ANKHD1: variants seen among roughly 807,000 people sequenced by gnomAD.
ANKHD1 encodes the protein ankyrin repeat and KH domain containing 1, also known as ankyrin repeat and KH domain-containing protein 1.
ANKHD1 carries 31 observed loss-of-function variants against 230.5 expected under a neutral mutation model. The observed-to-expected ratio is 0.13, with a 90% confidence interval of 0.10 to 0.18. The LOEUF is 0.18. Ranked by LOEUF, ANKHD1 falls within the 10% of genes least tolerant of loss-of-function variation. The pLI, the probability that ANKHD1 is intolerant of heterozygous loss-of-function variation, is 1.00. For synonymous variants in ANKHD1, 1,074 were observed against 1,117.6 expected, an observed-to-expected ratio of 0.96 and a Z score of 0.78; for missense variants, 2,256 against 3,071.3, an observed-to-expected ratio of 0.73 and a Z score of 6.27.
At position 140,537,509 on chromosome 5, in the gene ANKHD1, C is replaced by G; in HGVS notation, c.7148C>G (p.Ala2383Gly). Residue 2383 changes from alanine (A) to glycine (G), a missense_variant, in exon 31 of 34, where the codon GCA (alanine) becomes GGA (glycine). This residue lies in a region of ANKHD1 where 778 missense variants were observed against 966.5 expected (regional missense o/e 0.80). Coordinates refer to ENST00000360839, the MANE Select transcript of ANKHD1 (RefSeq NM_017747.3). ...CGAATTCGGCAAGGAGGGTCTGTTG[C>G]ACAAGCCCCGGCGGGGACCAGTTTT... ...LARIRQGGSV[A>G]QAPAGTSFVA... 1 of 1,613,940 alleles carries G rather than the reference C, an allele frequency of 6.2e-7. No homozygotes were observed. The highest frequency in any genetic ancestry group is 1.1e-5 in the South Asian group (1 of 91,052).
In ANKHD1 at chr5:140,539,529, G is replaced by A; in HGVS notation, c.*111G>A. 3.2e-6 allele frequency: 4 copies of A among 1,237,312 alleles called. No individual in the cohort carries two copies. In the South Asian group the frequency reaches 4.4e-5, roughly 14 times the overall value. The allele number at this position is 1,237,312 out of a possible 1,614,324, so 76.6% of individuals were successfully genotyped here. On this transcript the variant is annotated 3_prime_UTR_variant, in exon 34 of 34. Transcript: ENST00000360839. ...AAATTTTCTCTGAGGCTTTAGCAAT[G>A]GAAATTTGATTGCCCATTGTATAAG...
At position 140,445,758 on chromosome 5, in the gene ANKHD1, T is replaced by G. The variant is rs1299368863; in HGVS notation, c.930T>G (p.Thr310=). ...SQSATGNTAL[T]YACAGGFVDI... Reference sequence around the variant, plus strand: ...TCTTTTTAGGAAACACTGCGCTAACTTATGCATGTGCTGGAGGATTTGTTG... The same window carrying G: ...TCTTTTTAGGAAACACTGCGCTAACGTATGCATGTGCTGGAGGATTTGTTG... Residue 310 remains threonine, a synonymous_variant, in exon 6 of 34, where the codon ACT becomes ACG. Coordinates refer to ENST00000360839, the MANE Select transcript of ANKHD1 (RefSeq NM_017747.3). 1 of 1,604,480 alleles carries G rather than the reference T, an allele frequency of 6.2e-7. No individual in the cohort carries two copies. Among genetic ancestry groups the G allele is most frequent in the South Asian group, 1.1e-5 (1 of 88,998 alleles).
chr5:140,419,815 TTTCTTTCTTTCTTTCTTTC>T (rs1253644696), intron 1 of ANKHD1, among the ~76,000 whole-genome samples: 5 of 144,710 alleles, frequency 3.5e-5, no homozygotes, highest in African/African-American at 5.2e-5. Flanking sequence ...TCTTTCTTTC[TTTCTTTCTTTCTTTCTTTC>T]TTTTTCTTTC....
chr5:140,463,023 T>C (rs1414644442), intron 9 of ANKHD1, among the ~76,000 whole-genome samples: 2 of 151,972 alleles, frequency 1.3e-5, no homozygotes, highest in Non-Finnish European at 2.9e-5. Context: ...TTTTTTTTTT[T>C]ATTTTTTGTA....
chr5:140,531,615 A>G (rs1753823622), intron 29 of ANKHD1, among the ~76,000 whole-genome samples: 2 of 152,072 alleles, frequency 1.3e-5, no homozygotes, highest in African/African-American at 4.8e-5. Context: ...AGAAGATGGG[A>G]AAAGATAGAG....
At chr5:140,435,008 G>A (rs1773328718) in intron 1 of ANKHD1, among the ~76,000 whole-genome samples, 1 of 152,128 alleles carries the variant, frequency 6.6e-6, no homozygotes, top group African/African-American at 2.4e-5. Flanking sequence ...AGGGTTACAT[G>A]TTTATTTTTG....
At chr5:140,535,712 A>G in intron 30 of ANKHD1, 174 bp downstream of exon 30, 11 of 1,002,072 alleles carry the variant, frequency 1.1e-5, no homozygotes, top group Non-Finnish European at 1.4e-5. Context: ...AGAAAACTTG[A>G]GAATTATTCT....
intron 1 of ANKHD1, among the ~76,000 whole-genome samples, chr5:140,420,395 T>C (rs1340064581): frequency 8.5e-5 from 13 of 152,176 alleles, no homozygotes; most frequent in Non-Finnish European, 4.4e-5. Context: ...TAAGAAACCA[T>C]TGCGTAATCC....
At chr5:140,475,140 T>C (rs945654827) in intron 10 of ANKHD1, among the ~76,000 whole-genome samples, 4 of 152,204 alleles carry the variant, frequency 2.6e-5, no homozygotes, top group Non-Finnish European at 4.4e-5. Flanking sequence ...CTCTCCAGGT[T>C]GTTTAAATAT....
chr5:140,415,439 CTTTTTTT>C (rs1293254094), intron 1 of ANKHD1, among the ~76,000 whole-genome samples: 1 of 136,380 alleles, frequency 7.3e-6, no homozygotes, highest in African/African-American at 2.7e-5. Flanking sequence ...TTTGATACCT[CTTTTTTT>C]TTTTTTTTTT....
chr5:140,524,271 A>G (rs773671015), intron 25 of ANKHD1, 31 bp downstream of exon 25: 1 of 1,536,068 alleles, frequency 6.5e-7, no homozygotes, highest in Non-Finnish European at 8.7e-7. Context: ...ATTAACGATA[A>G]AATTCTCCTT....
chr5:140,496,696 C>G lies in ANKHD1; in HGVS notation c.2422C>G (p.Gln808Glu). 6.2e-7 allele frequency: 1 copy of G among 1,613,732 alleles called. No homozygotes were observed. The highest frequency in any genetic ancestry group is 8.5e-7 in the Non-Finnish European group (1 of 1,179,958). ...KAQLKSLELI[Q>E]GEPLNKDKIE... ...ACAGCTTAAGTCACTGGAGTTAATT[C>G]AAGGTGAACCTCTGAACAAAGATAA... The change falls in exon 15 of 34, where the codon CAA becomes GAA. Residue 808 changes from glutamine (Q) to glutamate (E), a missense_variant. Physicochemically the swap from Gln to Glu is conservative, Grantham distance 29. This residue lies in a region of ANKHD1 where 358 missense variants were observed against 397.7 expected (regional missense o/e 0.90). Transcript: ENST00000360839.
rs1411005891 is a variant in ANKHD1 at position 140,527,610 on chromosome 5, A to T, written c.5088-263A>T. On this transcript the variant is annotated intron_variant, in intron 27 of 33. Transcript: ENST00000360839. The surrounding 1 kb of genome is among the most constrained non-coding windows in gnomAD (Gnocchi z 4.5). ...TGAATGCTTATATTGTGAGTGATTT[A>T]AATATAATTTTTGTTTTCAATGGCA... Among the ~76,000 whole-genome samples, 1 of 152,202 alleles carries T rather than the reference A, an allele frequency of 6.6e-6. No individual in the cohort carries two copies. The highest frequency in any genetic ancestry group is 2.4e-5 in the African/African-American group (1 of 41,462).
At chr5:140,491,276 G>T (rs552024486) in intron 14 of ANKHD1, among the ~76,000 whole-genome samples, 14 of 144,716 alleles carry the variant, frequency 9.7e-5, no homozygotes, top group Non-Finnish European at 1.9e-4. Flanking sequence ...CAATCCTCCT[G>T]CCTCAGCCCT....
intron 24 of ANKHD1, among the ~76,000 whole-genome samples, chr5:140,516,265 G>A (rs565490417): frequency 1.6e-3 from 236 of 152,232 alleles, no homozygotes; most frequent in African/African-American, 5.5e-3. Flanking sequence ...AAAAAGAAAC[G>A]AGCAAAGCCT....
Position 140,526,300 on chromosome 5 carries a change from A to C in ANKHD1, c.4797A>C (p.Thr1599=). The C allele has an allele frequency of 6.2e-7, 1 of 1,614,238 alleles. No individual in the cohort carries two copies. ...GTGATTCAGATAACTTGGACAGCAC[A>C]GACTGCAACAGTGAGAGTAGCAGTG... ...GNSDSDNLDS[T]DCNSESSSGG... Residue 1599 remains threonine (T), a synonymous_variant, in exon 26 of 34, where the codon ACA becomes ACC. Transcript: ENST00000360839.
intron 1 of ANKHD1, among the ~76,000 whole-genome samples, chr5:140,416,048 T>C (rs1397705610): frequency 6.6e-6 from 1 of 152,224 alleles, no homozygotes; most frequent in Non-Finnish European, 1.5e-5. Flanking sequence ...TCTGGTTTTC[T>C]GTCCTTGCAA....
intron 10 of ANKHD1, among the ~76,000 whole-genome samples, chr5:140,477,970 A>G (rs1751059847): frequency 6.6e-6 from 1 of 152,218 alleles, no homozygotes; most frequent in Non-Finnish European, 1.5e-5. Flanking sequence ...ATTACACGGT[A>G]GAAACTGAGT....
At chr5:140,538,368 T>C in intron 32 of ANKHD1, 107 bp downstream of exon 32, 1 of 1,515,554 alleles carries the variant, frequency 6.6e-7, no homozygotes, top group Non-Finnish European at 8.9e-7. Context: ...TTTCTGTGGC[T>C]TTGCTAGATC....
Sources: allele counts gnomAD v4.1 joint callset (sites outside exome capture counted in the v4.1 genomes callset), GRCh38; gene constraint gnomAD v4.1.1; regional missense constraint gnomAD v4.1.1; non-coding constraint Gnocchi (gnomAD v3.1); transcripts MANE v1.5; gene names NCBI Gene and HGNC (gene_info 2026-07-23, HGNC 2026-07-21).